Variants in KCNT2 observed in about 807,000 individuals in gnomAD.
KCNT2 encodes the protein potassium sodium-activated channel subfamily T member 2, also known as potassium channel subfamily T member 2.
Under a neutral mutation model 153.8 loss-of-function variants are expected in KCNT2, and 67 were observed. That is an observed-to-expected ratio of 0.44 (90% confidence interval 0.36 to 0.53). KCNT2 has a LOEUF of 0.53. Ranked by LOEUF, KCNT2 falls within the 20% of genes least tolerant of loss-of-function variation. The pLI, the probability that KCNT2 is intolerant of heterozygous loss-of-function variation, is 0.00. For missense variants in KCNT2, 975 were observed against 1,354.8 expected (o/e 0.72, Z 4.40); for synonymous variants, 500 against 458.8 (o/e 1.09, Z -1.15).
At chr1:196,533,895 T>C (rs1343071498) in intron 1 of KCNT2, among the ~76,000 whole-genome samples, 1 of 152,086 alleles carries the variant, frequency 6.6e-6, no homozygotes, top group East Asian at 1.9e-4. Flanking sequence ...GTTGAGTGGG[T>C]GATAGGTAAC....
chr1:196,553,997 T>C (rs1658304625), intron 1 of KCNT2, among the ~76,000 whole-genome samples: 1 of 151,214 alleles, frequency 6.6e-6, no homozygotes, highest in African/African-American at 2.4e-5. Flanking sequence ...GAGGTAAATT[T>C]ATAGTTTTAA....
chr1:196,527,997 G>C (rs573484486), intron 1 of KCNT2, among the ~76,000 whole-genome samples: 5 of 152,306 alleles, frequency 3.3e-5, no homozygotes, highest in African/African-American at 1.2e-4. Context: ...ATAATGGTCA[G>C]TAATGGAATG....
intron 1 of KCNT2, among the ~76,000 whole-genome samples, chr1:196,601,425 A>G (rs76140371): frequency 0.015 from 2,214 of 152,298 alleles, 57 homozygotes; most frequent in African/African-American, 0.05. Flanking sequence ...AACTAGGTCT[A>G]TTTTGCTCAC....
chr1:196,276,586 C>T (rs116836800), intron 25 of KCNT2, among the ~76,000 whole-genome samples: 7,526 of 151,958 alleles, frequency 0.05, 280 homozygotes, highest in Non-Finnish European at 0.071. Flanking sequence ...TTCCATAAAA[C>T]GTCTGGTTTC....
intron 21 of KCNT2, among the ~76,000 whole-genome samples, chr1:196,315,559 C>T (rs74872481): frequency 0.028 from 4,233 of 151,668 alleles, 199 homozygotes; most frequent in African/African-American, 0.097. Context: ...TTGGTCACTG[C>T]TAGGCTTAAT....
Position 196,228,697 on chromosome 1 carries a change from T to C in KCNT2, c.3297-362A>G, listed in dbSNP as rs568994797. On this transcript the variant is annotated intron_variant, in intron 27 of 27. Coordinates refer to ENST00000294725, the MANE Select transcript of KCNT2 (RefSeq NM_198503.5). The stretch of plus-strand genomic sequence containing the variant: ...TTTATGATTAAGTATGCTGTTGACT[T>C]ATTATCCCTTACTTTGGCCATTTTT... 9.2e-5 allele frequency among the ~76,000 whole-genome samples: 14 copies of C among 152,248 alleles called. 1 individual carries two copies. The highest frequency in any genetic ancestry group is 9.2e-4 in the Admixed American group (14 of 15,278).
chr1:196,235,273 A>G (rs893788197), intron 27 of KCNT2, among the ~76,000 whole-genome samples: 4 of 151,404 alleles, frequency 2.6e-5, no homozygotes, highest in African/African-American at 9.7e-5. Flanking sequence ...CTTCTCCACC[A>G]TCATAAATTC....
At chr1:196,403,504 A>G (rs996990556) in intron 12 of KCNT2, among the ~76,000 whole-genome samples, 1 of 151,716 alleles carries the variant, frequency 6.6e-6, no homozygotes, top group Non-Finnish European at 1.5e-5. Context: ...CATTTATCAA[A>G]ACCCACAGAA....
chr1:196,334,864 A>G (rs1023233042), intron 16 of KCNT2, among the ~76,000 whole-genome samples: 3 of 152,050 alleles, frequency 2.0e-5, no homozygotes, highest in Non-Finnish European at 4.4e-5. Context: ...AGAGAAGGCC[A>G]CTGTGAAGTT....
chr1:196,258,095 A>G, intron 26 of KCNT2, 99 bp downstream of exon 26: 1 of 1,478,924 alleles, frequency 6.8e-7, no homozygotes, highest in Non-Finnish European at 9.0e-7. Context: ...TGACCTGTGA[A>G]GCAAAAATTC....
intron 8 of KCNT2, among the ~76,000 whole-genome samples, chr1:196,430,020 T>A (rs920809614): frequency 6.6e-6 from 1 of 152,100 alleles, no homozygotes; most frequent in Non-Finnish European, 1.5e-5. Context: ...AATGAACAGA[T>A]AATTTCATGG....
intron 1 of KCNT2, among the ~76,000 whole-genome samples, chr1:196,511,952 GCA>G (rs976643675): frequency 9.2e-5 from 14 of 152,140 alleles, no homozygotes; most frequent in African/African-American, 3.4e-4. Flanking sequence ...ACACTTGTTA[GCA>G]ACAGGTCTGA....
chr1:196,278,562 T>G (rs974183216), intron 25 of KCNT2, among the ~76,000 whole-genome samples: 1 of 152,200 alleles, frequency 6.6e-6, no homozygotes, highest in Non-Finnish European at 1.5e-5. Context: ...TGTAGTTAAA[T>G]ACTCCTTGAT....
intron 1 of KCNT2, among the ~76,000 whole-genome samples, chr1:196,604,040 T>G (rs1665040638): frequency 6.6e-6 from 1 of 152,190 alleles, no homozygotes; most frequent in South Asian, 2.1e-4. Flanking sequence ...TCCCAGCACT[T>G]TGGGAGTCCA....
intron 14 of KCNT2, among the ~76,000 whole-genome samples, chr1:196,357,793 C>T (rs532583911): frequency 4.6e-4 from 70 of 151,894 alleles, no homozygotes; most frequent in Non-Finnish European, 8.4e-4. Context: ...TAGAGAGTAA[C>T]TTTATTGCTT....
intron 1 of KCNT2, among the ~76,000 whole-genome samples, chr1:196,595,898 C>G (rs566991793): frequency 6.6e-6 from 1 of 151,876 alleles, no homozygotes; most frequent in Admixed American, 6.6e-5. Context: ...GCCTTTGCAT[C>G]CTCATAGATT....
chr1:196,272,284 C>T (rs1240882245), intron 25 of KCNT2, among the ~76,000 whole-genome samples: 1 of 151,758 alleles, frequency 6.6e-6, no homozygotes, highest in Non-Finnish European at 1.5e-5. Flanking sequence ...ACTACGGATT[C>T]TTTATCATGT....
chr1:196,270,190 T>C (rs1657934668), intron 25 of KCNT2, among the ~76,000 whole-genome samples: 1 of 152,022 alleles, frequency 6.6e-6, no homozygotes, highest in Non-Finnish European at 1.5e-5. Flanking sequence ...AACTACTTTT[T>C]TGGATCTCAA....
intron 8 of KCNT2, among the ~76,000 whole-genome samples, chr1:196,460,455 A>G (rs1356790725): frequency 1.3e-5 from 2 of 151,796 alleles, no homozygotes; most frequent in Non-Finnish European, 2.9e-5. Context: ...GCTATTTTCT[A>G]TCAATTGCAA....
Sources: allele counts gnomAD v4.1 joint callset (sites outside exome capture counted in the v4.1 genomes callset), GRCh38; gene constraint gnomAD v4.1.1; transcripts MANE v1.5; gene names NCBI Gene and HGNC (gene_info 2026-07-23, HGNC 2026-07-21).